The following KLHL13 variants were observed in gnomAD, a reference collection of about 807,000 sequenced individuals.
KLHL13 encodes kelch like family member 13.
A neutral mutation model predicts 37.1 loss-of-function variants in KLHL13; 10 were observed. The observed-to-expected ratio is 0.27, with a 90% CI of 0.17 to 0.46. The LOEUF is 0.46. Among genes scored for constraint, KLHL13 ranks in the 20% least tolerant of loss-of-function variants. KLHL13 has a pLI of 1.00. For missense variants in KLHL13, 360 were observed against 509.3 expected (o/e 0.71, Z 2.82); for synonymous variants, 163 against 181.2 (o/e 0.90, Z 0.81).
chrX:117,906,630 T>C (rs1217569352), intron 5 of KLHL13, among the ~76,000 whole-genome samples: 2 of 111,433 alleles, frequency 1.8e-5, no homozygotes, highest in Non-Finnish European at 3.8e-5. Context: ...TAAATTTGAA[T>C]GCACTTACTA....
At chrX:118,115,642 T>A (rs1602736416) in intron 1 of KLHL13, among the ~76,000 whole-genome samples, 2 of 112,312 alleles carry the variant, frequency 1.8e-5, no homozygotes, top group African/African-American at 6.5e-5. Flanking sequence ...ACGATTAACA[T>A]CCTAGTTTAC....
At chrX:118,031,953 C>A (rs1485119427) in intron 1 of KLHL13, among the ~76,000 whole-genome samples, 1 of 110,182 alleles carries the variant, frequency 9.1e-6, no homozygotes, top group African/African-American at 3.3e-5. Flanking sequence ...CAGGGTGTTC[C>A]CTTTCCTAGT....
At chrX:117,980,776 C>T (rs2053652152) in intron 1 of KLHL13, among the ~76,000 whole-genome samples, 1 of 111,472 alleles carries the variant, frequency 9.0e-6, no homozygotes, top group East Asian at 2.8e-4. Context: ...AAACTACTGT[C>T]ATCTAAAAAT....
chrX:118,030,042 G>A (rs2054318811), intron 1 of KLHL13, among the ~76,000 whole-genome samples: 1 of 110,652 alleles, frequency 9.0e-6, no homozygotes, highest in Admixed American at 9.7e-5. Flanking sequence ...TAAGCAAGCA[G>A]GAGGAGGGAT....
At chrX:118,035,911 C>T (rs1418916689) in intron 1 of KLHL13, among the ~76,000 whole-genome samples, 1 of 100,828 alleles carries the variant, frequency 9.9e-6, no homozygotes, top group Non-Finnish European at 2.0e-5. Flanking sequence ...GATACAAAAT[C>T]AATGTGCAAA....
chrX:118,020,989 T>C (rs1425078038), intron 1 of KLHL13, among the ~76,000 whole-genome samples: 1 of 42,827 alleles, frequency 2.3e-5, no homozygotes, highest in Non-Finnish European at 3.9e-5. Context: ...TGGGGACTGT[T>C]GTGGGGTGGG....
At chrX:118,031,038 G>A (rs1037788262) in intron 1 of KLHL13, among the ~76,000 whole-genome samples, 2 of 111,174 alleles carry the variant, frequency 1.8e-5, no homozygotes, top group African/African-American at 3.3e-5. Flanking sequence ...GGAGCAGGGA[G>A]TAGGTGATAG....
chrX:118,021,168 C>T (rs1031366518), intron 1 of KLHL13, among the ~76,000 whole-genome samples: 3 of 107,349 alleles, frequency 2.8e-5, no homozygotes, highest in South Asian at 4.5e-4. Flanking sequence ...ATTTTTTGTT[C>T]GATATCTGCC....
At chrX:117,908,774 T>C (rs977612832) in intron 5 of KLHL13, among the ~76,000 whole-genome samples, 4 of 112,132 alleles carry the variant, frequency 3.6e-5, no homozygotes, top group African/African-American at 1.3e-4. Context: ...CAGTCATAGA[T>C]CATAATATTC....
chrX:118,111,040 G>A (rs945247879), intron 1 of KLHL13, among the ~76,000 whole-genome samples: 1 of 112,095 alleles, frequency 8.9e-6, no homozygotes, highest in African/African-American at 3.2e-5. Flanking sequence ...ACTATTATGA[G>A]CAAGCTATTG....
intron 2 of KLHL13, among the ~76,000 whole-genome samples, chrX:117,927,250 G>A (rs1032647027): frequency 1.8e-5 from 2 of 111,340 alleles, no homozygotes; most frequent in Non-Finnish European, 1.9e-5. Flanking sequence ...AGCTTGGAGA[G>A]GACGCCTCGC....
intron 1 of KLHL13, among the ~76,000 whole-genome samples, chrX:118,074,498 G>A (rs1166966700): frequency 9.0e-6 from 1 of 111,535 alleles, no homozygotes; most frequent in African/African-American, 3.3e-5. Context: ...CCACTCCTTT[G>A]GATTATGCTG....
At position 118,078,342 on chromosome X, in the gene KLHL13, A is replaced by C. The variant is rs2054949980; in HGVS notation, c.-56+38166T>G. Among the ~76,000 whole-genome samples the C allele has an allele frequency of 2.7e-5, 3 of 111,689 alleles. No individual in the cohort carries two copies. The Admixed American group carries it at 2.9e-4, about 11-fold the overall frequency. On this transcript the variant is annotated intron_variant, in intron 1 of 6. Transcript: ENST00000371882. ...TTTTGACAAACATATAATAGTCATA[A>C]TTACAACCATAATCAAGATACAGCA...
chrX:118,048,352 A>T (rs1249796398), intron 1 of KLHL13, among the ~76,000 whole-genome samples: 1 of 111,651 alleles, frequency 9.0e-6, no homozygotes, highest in Non-Finnish European at 1.9e-5. Flanking sequence ...ACAGATATAG[A>T]AAAAGGACAA....
exon 5 of KLHL13, chrX:117,909,554 C>T (rs1206008910): frequency 3.3e-6 from 4 of 1,211,654 alleles, no homozygotes; most frequent in Non-Finnish European, 4.5e-6. Context: ...TGGGGGCTAA[C>T]GATTTCCACT....
Position 118,103,353 on chromosome X carries a change from T to C in KLHL13, c.-56+13155A>G, listed in dbSNP as rs1339875000. ...CATGGCAAAGCAGAAATTCCATCTA[T>C]GCAAATAAAAACTTTACTTAAGATT... is the stretch of plus-strand genomic sequence containing the variant. On this transcript the variant is annotated intron_variant, in intron 1 of 6. Transcript: ENST00000371882. 8.0e-5 allele frequency among the ~76,000 whole-genome samples: 9 copies of C among 111,882 alleles called. No homozygotes were observed. The Admixed American group carries it at 8.6e-4, about 11-fold the overall frequency.
At position 118,089,608 on chromosome X, in the gene KLHL13, G is replaced by GAAAGAA. The variant is rs756091339; in HGVS notation, c.-56+26899_-56+26900insTTCTTT. Among the ~76,000 whole-genome samples the GAAAGAA allele has an allele frequency of 7.3e-3, 433 of 59,539 alleles. 2 individuals carry two copies. Among genetic ancestry groups the GAAAGAA allele is most frequent in the African/African-American group, 0.024 (319 of 13,444 alleles). 51.7% of individuals were successfully genotyped at this position (59,539 alleles called of 115,157 possible). ...AAGAAAAGAGAGAGAGAGAGAGAGA[G>GAAAGAA]AGAGAAAGAAAGAGAAAGAAAGAAA... On this transcript the variant is annotated intron_variant, in intron 1 of 6. Coordinates refer to the KLHL13 transcript ENST00000371882.
At chrX:117,951,097 T>C (rs763011214) in intron 1 of KLHL13, among the ~76,000 whole-genome samples, 2 of 111,860 alleles carry the variant, frequency 1.8e-5, no homozygotes, top group South Asian at 7.6e-4. Flanking sequence ...TCTCCACACT[T>C]CCCAAACAAA....
chrX:118,034,274 T>A (rs1458664758), intron 1 of KLHL13, among the ~76,000 whole-genome samples: 1 of 104,774 alleles, frequency 9.5e-6, no homozygotes, highest in Admixed American at 1.0e-4. Context: ...CCACCCCAAA[T>A]CAACAGAATA....
Sources: gnomAD v4.1 joint callset for allele counts (sites outside exome capture counted in the v4.1 genomes callset) on GRCh38, gnomAD v4.1.1 for gene constraint, MANE v1.5 for transcripts, NCBI Gene and HGNC (gene_info 2026-07-23, HGNC 2026-07-21) for gene names.